Variants in MTAP observed in about 807,000 individuals in gnomAD.
The protein encoded by MTAP is methylthioadenosine phosphorylase, also known as S-methyl-5'-thioadenosine phosphorylase.
Under a neutral mutation model 33.6 loss-of-function variants are expected in MTAP, and 33 were observed. The ratio of observed to expected loss-of-function variants is 0.98; its 90% CI spans 0.74 to 1.31. The LOEUF (loss-of-function observed/expected upper bound fraction) is 1.31. MTAP is among the 40% of genes most tolerant of loss of function. MTAP has a pLI of 0.00. For synonymous variants in MTAP, 148 were observed against 125.7 expected (o/e 1.18, Z -1.19); for missense variants, 367 against 360.0 (o/e 1.02, Z -0.16).
chr9:21,927,484 C>T (rs542080657), intron 1 of MTAP, among the ~76,000 whole-genome samples: 1 of 152,160 alleles, frequency 6.6e-6, no homozygotes. Context: ...CACTCTTAAC[C>T]CAGCCTCCTT....
chr9:21,808,752 C>T (rs930173322), intron 1 of MTAP: 6 of 152,162 alleles, frequency 3.9e-5, no homozygotes, highest in East Asian at 3.9e-4. Context: ...TCTTCTGAAC[C>T]TGTAGAACCA....
Position 21,859,422 on chromosome 9 carries a change from G to C in MTAP, c.810G>C (p.Leu270=), listed in dbSNP as rs764561830. ...STEWSETLHN[L]KNMAQFSVLL... is the part of the protein sequence containing the mutation. ...AATGGTCAGAAACCCTCCATAACCT[G>C]AAGGTAAGTGTCAGCCATGGACAAT... is the stretch of plus-strand genomic sequence containing the variant. The change falls in exon 7 of 8, where the codon CTG becomes CTC. Residue 270 remains leucine (L), a synonymous_variant. Transcript: ENST00000644715. The C allele has an allele frequency of 9.9e-6, 16 of 1,609,210 alleles. No individual in the cohort carries two copies. In the African/African-American group the frequency reaches 2.0e-4, roughly 20 times the overall value.
intron 4 of MTAP, among the ~76,000 whole-genome samples, chr9:21,825,064 C>G (rs1248717705): frequency 1.3e-5 from 2 of 152,104 alleles, no homozygotes; most frequent in African/African-American, 4.8e-5. Flanking sequence ...GAGGCGATGC[C>G]TCACCCTGCT....
At chr9:21,871,850 G>C (rs1825942815), downstream of MTAP, among the ~76,000 whole-genome samples, 1 of 152,140 alleles carries the variant, frequency 6.6e-6, no homozygotes, top group African/African-American at 2.4e-5. Context: ...AAAACTGGAA[G>C]AGCAGGAATT....
intron 5 of MTAP, among the ~76,000 whole-genome samples, chr9:21,852,190 G>A (rs1180224728): frequency 2.0e-5 from 3 of 152,092 alleles, no homozygotes; most frequent in Non-Finnish European, 4.4e-5. Context: ...TGGGAGCTAA[G>A]CTATGGGGAT....
At chr9:21,882,418 AC>A (rs1242404559) in intron 1 of MTAP, among the ~76,000 whole-genome samples, 1 of 151,986 alleles carries the variant, frequency 6.6e-6, no homozygotes, top group Admixed American at 6.6e-5. Flanking sequence ...AAATAGAAAA[AC>A]ATCCTGTGTT....
intron 4 of MTAP, among the ~76,000 whole-genome samples, chr9:21,826,816 C>T (rs1188869354): frequency 1.3e-5 from 2 of 151,946 alleles, no homozygotes; most frequent in Non-Finnish European, 2.9e-5. Context: ...TGTTAGGAAC[C>T]GGGCTGCACA....
At chr9:21,904,592 A>G (rs1364711922) in intron 1 of MTAP, among the ~76,000 whole-genome samples, 1 of 152,230 alleles carries the variant, frequency 6.6e-6, no homozygotes, top group Non-Finnish European at 1.5e-5. Flanking sequence ...GTTGAACAGC[A>G]TGAACAAATT....
intron 1 of MTAP, among the ~76,000 whole-genome samples, chr9:21,898,506 A>C (rs1818335748): frequency 6.6e-6 from 1 of 152,250 alleles, no homozygotes; most frequent in Non-Finnish European, 1.5e-5. Flanking sequence ...TAATATCCAG[A>C]ATCTACAAAG....
chr9:21,803,008 A>ACACACACACACACACACACACACACACC (rs1824099712), intron 1 of MTAP: 1 of 1,079,788 alleles, frequency 9.3e-7, no homozygotes, highest in South Asian at 2.0e-5. Flanking sequence ...ACACACACAC[A>ACACACACACACACACACACACACACACC]CACACACACA....
At chr9:21,809,954 G>A (rs1273802544) in intron 1 of MTAP, among the ~76,000 whole-genome samples, 1 of 152,256 alleles carries the variant, frequency 6.6e-6, no homozygotes, top group African/African-American at 2.4e-5. Flanking sequence ...GTGTCTTTAA[G>A]AGGGTGTCTG....
intron 1 of MTAP, among the ~76,000 whole-genome samples, chr9:21,874,584 T>C (rs2118663193): frequency 6.6e-6 from 1 of 152,324 alleles, no homozygotes; most frequent in South Asian, 2.1e-4. Flanking sequence ...TTTTCACCCA[T>C]TCTGTAGGTT....
intron 1 of MTAP, among the ~76,000 whole-genome samples, chr9:21,883,007 C>G (rs1371622986): frequency 6.7e-6 from 1 of 149,942 alleles, no homozygotes; most frequent in Non-Finnish European, 1.5e-5. Context: ...GCCCCTAACT[C>G]AAGAAGTGAT....
chr9:21,912,189 A>T (rs573307337), intron 1 of MTAP, among the ~76,000 whole-genome samples: 1 of 152,358 alleles, frequency 6.6e-6, no homozygotes, highest in Non-Finnish European at 1.5e-5. Flanking sequence ...TCACAGCCGA[A>T]TTCTACCAGA....
At chr9:21,897,262 A>G (rs1446615921) in intron 1 of MTAP, among the ~76,000 whole-genome samples, 1 of 152,160 alleles carries the variant, frequency 6.6e-6, no homozygotes, top group Non-Finnish European at 1.5e-5. Context: ...TGACAAACCC[A>G]CAGCCAATAT....
At chr9:21,928,069 C>T (rs1472595842) in intron 1 of MTAP, among the ~76,000 whole-genome samples, 1 of 152,170 alleles carries the variant, frequency 6.6e-6, no homozygotes, top group African/African-American at 2.4e-5. Context: ...TCCCCTCTCT[C>T]CCCAGTGAAC....
intron 5 of MTAP, among the ~76,000 whole-genome samples, chr9:21,846,451 A>G (rs2118422747): frequency 6.6e-6 from 1 of 152,272 alleles, no homozygotes; most frequent in African/African-American, 2.4e-5. Context: ...ACATGAATAG[A>G]CAATTTTCAA....
At position 21,837,191 on chromosome 9, in the gene MTAP, C is replaced by G. The variant is rs547524595; in HGVS notation, c.348-717C>G. 2.6e-5 allele frequency among the ~76,000 whole-genome samples: 4 copies of G among 152,216 alleles called. No homozygotes were observed. The South Asian group carries it at 6.2e-4, about 24-fold the overall frequency. On this transcript the variant is annotated intron_variant, in intron 4 of 7. Coordinates refer to ENST00000644715, the MANE Select transcript of MTAP (RefSeq NM_002451.4). The stretch of plus-strand genomic sequence containing the variant: ...TAAGACACTTTAGAATTAATTACGG[C>G]TGGGAAAAAGAACAATCTAAATGAG...
At chr9:21,818,461 G>C (rs1824542787) in intron 4 of MTAP, among the ~76,000 whole-genome samples, 1 of 151,452 alleles carries the variant, frequency 6.6e-6, no homozygotes, top group Non-Finnish European at 1.5e-5. Flanking sequence ...CCGAGTAGCT[G>C]GGACTACAGG....
Sources: gnomAD v4.1 joint callset for allele counts (sites outside exome capture counted in the v4.1 genomes callset) on GRCh38, gnomAD v4.1.1 for gene constraint, MANE v1.5 for transcripts, NCBI Gene and HGNC (gene_info 2026-07-23, HGNC 2026-07-21) for gene names.